The following SIPA1L2 variants were observed in gnomAD, a reference collection of about 807,000 sequenced individuals.
SIPA1L2 encodes signal induced proliferation associated 1 like 2.
In SIPA1L2, 56 loss-of-function variants were observed where a neutral mutation model predicts 163.9. The observed-to-expected ratio is 0.34, with a 90% CI of 0.28 to 0.43. SIPA1L2 has a LOEUF of 0.43. Ranked by LOEUF, SIPA1L2 falls within the 20% of genes least tolerant of loss-of-function variation. SIPA1L2 has a pLI of 1.00. For missense variants in SIPA1L2, 1,974 were observed against 2,193.5 expected (o/e 0.90, Z 2.00); for synonymous variants, 877 against 865.7 (o/e 1.01, Z -0.23).
At chr1:232,599,931 C>T (rs1661506055) in intron 1 of SIPA1L2, among the ~76,000 whole-genome samples, 1 of 152,234 alleles carries the variant, frequency 6.6e-6, no homozygotes, top group Non-Finnish European at 1.5e-5. Flanking sequence ...GTATGTTACC[C>T]AGACCTAACT....
chr1:232,404,892 A>T (rs1411769203), intron 19 of SIPA1L2, among the ~76,000 whole-genome samples: 2 of 152,194 alleles, frequency 1.3e-5, no homozygotes, highest in Non-Finnish European at 2.9e-5. Context: ...ATGTATCTAC[A>T]GTAGGAATCT....
At chr1:232,581,452 CAGAG>C (rs1039511256) in intron 1 of SIPA1L2, among the ~76,000 whole-genome samples, 12 of 151,762 alleles carry the variant, frequency 7.9e-5, no homozygotes, top group African/African-American at 2.4e-4. Flanking sequence ...AGAGCAAGGA[CAGAG>C]AGAGAGAGGA....
intron 3 of SIPA1L2, among the ~76,000 whole-genome samples, chr1:232,497,243 ATG>A (rs1666243168): frequency 6.6e-6 from 1 of 152,210 alleles, no homozygotes; most frequent in Non-Finnish European, 1.5e-5. Flanking sequence ...GATTGTGGCA[ATG>A]GTAACACCAT....
chr1:232,625,265 G>C (rs1188019770), intron 1 of SIPA1L2, among the ~76,000 whole-genome samples: 1 of 152,192 alleles, frequency 6.6e-6, no homozygotes, highest in Admixed American at 6.5e-5. Flanking sequence ...GACACACTTC[G>C]TGTTGTTCAG....
intron 10 of SIPA1L2, among the ~76,000 whole-genome samples, chr1:232,449,783 C>T (rs1460820082): frequency 1.4e-5 from 2 of 139,716 alleles, no homozygotes; most frequent in Admixed American, 1.4e-4. Context: ...AGTAAGCCTA[C>T]GGTTCTGGGG....
intron 7 of SIPA1L2, among the ~76,000 whole-genome samples, chr1:232,475,253 C>T (rs894744270): frequency 6.6e-6 from 1 of 152,146 alleles, no homozygotes; most frequent in African/African-American, 2.4e-5. Flanking sequence ...GCGTCTTGTC[C>T]CTCCTACAGA....
At chr1:232,595,989 AAGTG>A (rs761391335) in intron 1 of SIPA1L2, among the ~76,000 whole-genome samples, 37 of 152,188 alleles carry the variant, frequency 2.4e-4, no homozygotes, top group Non-Finnish European at 4.4e-4. Context: ...ACTGGGAAAA[AAGTG>A]AGTAACTTCC....
intron 2 of SIPA1L2, among the ~76,000 whole-genome samples, chr1:232,537,648 A>T (rs1657395113): frequency 6.6e-6 from 1 of 152,246 alleles, no homozygotes; most frequent in South Asian, 2.1e-4. Flanking sequence ...CTGTGGAGTC[A>T]GACGCCAAGG....
chr1:232,563,041 C>CT (rs1659137437), intron 2 of SIPA1L2, among the ~76,000 whole-genome samples: 1 of 152,148 alleles, frequency 6.6e-6, no homozygotes, highest in Admixed American at 6.5e-5. Flanking sequence ...CAATAAAAAT[C>CT]CTACATGCCT....
At chr1:232,421,652 T>C (rs1661581314) in intron 18 of SIPA1L2, among the ~76,000 whole-genome samples, 1 of 152,182 alleles carries the variant, frequency 6.6e-6, no homozygotes, top group South Asian at 2.1e-4. Flanking sequence ...CTTCCTCTGG[T>C]GGTTGGTAGT....
chr1:232,608,727 T>C (rs1662094744), intron 1 of SIPA1L2, among the ~76,000 whole-genome samples: 1 of 152,178 alleles, frequency 6.6e-6, no homozygotes, highest in Non-Finnish European at 1.5e-5. Flanking sequence ...AGTAGAAGAC[T>C]GATAAGCACT....
At chr1:232,565,773 T>G (rs1384237648) in intron 2 of SIPA1L2, among the ~76,000 whole-genome samples, 1 of 152,208 alleles carries the variant, frequency 6.6e-6, no homozygotes, top group African/African-American at 2.4e-5. Context: ...GGGCCTTTAT[T>G]TCTATTGTGT....
chr1:232,596,261 C>T (rs1244703861), intron 1 of SIPA1L2, among the ~76,000 whole-genome samples: 1 of 152,226 alleles, frequency 6.6e-6, no homozygotes, highest in Non-Finnish European at 1.5e-5. Flanking sequence ...TCTCTCAAAT[C>T]CATTTTCCCT....
intron 22 of SIPA1L2, among the ~76,000 whole-genome samples, chr1:232,400,465 G>A (rs1660270335): frequency 6.6e-6 from 1 of 152,106 alleles, no homozygotes. Flanking sequence ...TCCCTCCCGA[G>A]GAGACCGTCC....
At chr1:232,553,385 G>A (rs1658515047) in intron 2 of SIPA1L2, among the ~76,000 whole-genome samples, 1 of 152,130 alleles carries the variant, frequency 6.6e-6, no homozygotes, top group South Asian at 2.1e-4. Context: ...ACAGGACGGG[G>A]GGGCGTAGTG....
intron 22 of SIPA1L2, 76 bp downstream of exon 22, chr1:232,402,316 C>T: frequency 1.5e-6 from 2 of 1,337,624 alleles, no homozygotes; most frequent in Non-Finnish European, 2.1e-6. Flanking sequence ...TGAGTCTTTT[C>T]AATTTATCTG....
chr1:232,496,312 A>G (rs1666187735), intron 3 of SIPA1L2, among the ~76,000 whole-genome samples: 1 of 152,198 alleles, frequency 6.6e-6, no homozygotes, highest in Admixed American at 6.5e-5. Context: ...CCTAGGAGTA[A>G]TATGCAATAC....
At chr1:232,433,553 AACAG>A (rs1411693672) in intron 15 of SIPA1L2, among the ~76,000 whole-genome samples, 1 of 152,164 alleles carries the variant, frequency 6.6e-6, no homozygotes, top group Admixed American at 6.5e-5. Context: ...ACAATACTGA[AACAG>A]ACAGAGGCCC....
chr1:232,432,858 G>C (rs559032757), intron 15 of SIPA1L2, among the ~76,000 whole-genome samples: 35 of 152,276 alleles, frequency 2.3e-4, no homozygotes, highest in African/African-American at 8.4e-4. Flanking sequence ...CAATGGAATA[G>C]CATTACATAC....
Sources: allele counts gnomAD v4.1 joint callset (sites outside exome capture counted in the v4.1 genomes callset), GRCh38; gene constraint gnomAD v4.1.1; transcripts MANE v1.5; gene names NCBI Gene and HGNC (gene_info 2026-07-23, HGNC 2026-07-21).